Variants in STAU1 observed in about 807,000 individuals in gnomAD.
STAU1 encodes staufen double-stranded RNA binding protein 1, also known as double-stranded RNA-binding protein Staufen homolog 1.
Under a neutral mutation model 62.9 loss-of-function variants are expected in STAU1, and 13 were observed. The ratio of observed to expected loss-of-function variants is 0.21; its 90% CI spans 0.13 to 0.33. The LOEUF is 0.33. STAU1 is among the 10% of genes least tolerant of loss of function. The pLI, the probability that STAU1 is intolerant of heterozygous loss-of-function variation, is 1.00. For synonymous variants in STAU1, 269 were observed against 265.1 expected, an observed-to-expected ratio of 1.01 and a Z score of -0.14; for missense variants, 571 against 712.1, an observed-to-expected ratio of 0.80 and a Z score of 2.25.
intron 5 of STAU1, among the ~76,000 whole-genome samples, chr20:49,149,798 A>C (rs1179961502): frequency 6.6e-6 from 1 of 152,202 alleles, no homozygotes; most frequent in African/African-American, 2.4e-5. Flanking sequence ...AAAGAAAAAC[A>C]AATCGCTCCT....
At chr20:49,132,253 G>A (rs971911937) in intron 6 of STAU1, among the ~76,000 whole-genome samples, 1 of 152,118 alleles carries the variant, frequency 6.6e-6, no homozygotes, top group Non-Finnish European at 1.5e-5. Context: ...ACTTTGGAGG[G>A]ACAGGTCAGC....
intron 4 of STAU1, among the ~76,000 whole-genome samples, chr20:49,153,251 G>GA (rs71184266): frequency 0.42 from 41,214 of 98,752 alleles, 7,939 homozygotes; most frequent in Middle Eastern, 0.53. Flanking sequence ...CTCCGTCTCA[G>GA]AAAAAAAAAA....
At chr20:49,192,113 G>A (rs555418832), upstream of STAU1, among the ~76,000 whole-genome samples, 45 of 151,628 alleles carry the variant, frequency 3.0e-4, no homozygotes, top group African/African-American at 1.0e-3. Context: ...TTGGGAGGCC[G>A]AGGAGGGCAG....
the STAU1 span, among the ~76,000 whole-genome samples, chr20:49,209,808 T>G: frequency 6.6e-6 from 1 of 151,878 alleles, no homozygotes; most frequent in African/African-American, 2.4e-5. Flanking sequence ...CAGCACTTTG[T>G]GAGGCCGAGG....
chr20:49,183,899 T>C (rs980488613), intron 1 of STAU1, among the ~76,000 whole-genome samples: 5 of 151,956 alleles, frequency 3.3e-5, no homozygotes, highest in African/African-American at 1.2e-4. Context: ...ACTTCGAATA[T>C]TAAACACTGA....
chr20:49,189,530 G>C (rs1163424217), upstream of STAU1, among the ~76,000 whole-genome samples: 1 of 144,632 alleles, frequency 6.9e-6, no homozygotes, highest in Non-Finnish European at 1.5e-5. Context: ...TGAGGCAGGA[G>C]AATCTCTTGA....
chr20:49,209,482 C>A, the STAU1 span, among the ~76,000 whole-genome samples: 3 of 151,684 alleles, frequency 2.0e-5, no homozygotes, highest in Non-Finnish European at 2.9e-5. Context: ...TGGTGCCTCC[C>A]ACCTGTAATC....
Position 49,127,251 on chromosome 20 carries a change from G to A in STAU1, c.610-2664C>T, listed in dbSNP as rs543887312. ...CACCTGTAATCCCAGCTACTTAGGA[G>A]GCTGAGACAGGAGAATTGCTTGAAC... On this transcript the variant is annotated intron_variant, in intron 6 of 13. Transcript: ENST00000371856. 2.1e-4 allele frequency among the ~76,000 whole-genome samples: 32 copies of A among 152,246 alleles called. No homozygotes were observed. In the East Asian group the frequency reaches 6.0e-3, roughly 28 times the overall value.
chr20:49,130,362 CTGTTT>C (rs534303686), intron 6 of STAU1, among the ~76,000 whole-genome samples: 3 of 152,300 alleles, frequency 2.0e-5, no homozygotes, highest in Non-Finnish European at 4.4e-5. Flanking sequence ...GGGAGATGTT[CTGTTT>C]TGACTATGGT....
intron 5 of STAU1, among the ~76,000 whole-genome samples, chr20:49,144,304 T>C (rs1168048187): frequency 1.3e-5 from 2 of 151,602 alleles, no homozygotes; most frequent in Admixed American, 6.6e-5. Flanking sequence ...TTTTTTTAAA[T>C]GCAAACAGGA....
At chr20:49,144,592 G>C (rs956241554) in intron 5 of STAU1, among the ~76,000 whole-genome samples, 2 of 152,082 alleles carry the variant, frequency 1.3e-5, no homozygotes, top group Non-Finnish European at 2.9e-5. Context: ...GTCTTCCTCT[G>C]TCAATTCTCT....
chr20:49,219,278 A>G, the STAU1 span: 9 of 1,431,354 alleles, frequency 6.3e-6, no homozygotes, highest in Admixed American at 5.1e-5. Context: ...GAAACCAACC[A>G]CGCCCCATAT....
chr20:49,215,107 A>C, the STAU1 span, among the ~76,000 whole-genome samples: 1 of 152,152 alleles, frequency 6.6e-6, no homozygotes, highest in African/African-American at 2.4e-5. Context: ...CACCATCCTC[A>C]TCCTCCTGGC....
chr20:49,133,150 C>A (rs1223089731), intron 6 of STAU1, among the ~76,000 whole-genome samples: 4 of 152,212 alleles, frequency 2.6e-5, no homozygotes, highest in Non-Finnish European at 4.4e-5. Flanking sequence ...TTCCTGAACA[C>A]AGAGTTGAGA....
intron 2 of STAU1, among the ~76,000 whole-genome samples, chr20:49,168,663 T>C (rs971626789): frequency 6.6e-6 from 1 of 152,180 alleles, no homozygotes; most frequent in African/African-American, 2.4e-5. Flanking sequence ...TTTATGTGTC[T>C]TATTTAAGCC....
the STAU1 span, among the ~76,000 whole-genome samples, chr20:49,201,071 A>AAAAAAAGAAGAAGAAG: frequency 1.9e-5 from 2 of 104,642 alleles, no homozygotes; most frequent in South Asian, 4.4e-4. Flanking sequence ...AAAAAAAAAA[A>AAAAAAAGAAGAAGAAG]AAGAAGAAGA....
chr20:49,178,566 T>G (rs1326897275), intron 1 of STAU1, among the ~76,000 whole-genome samples: 3 of 151,258 alleles, frequency 2.0e-5, no homozygotes, highest in African/African-American at 7.3e-5. Flanking sequence ...CTGGCTAACA[T>G]GGTGAAACAC....
rs140910069 is a variant in STAU1, at chr20:49,149,173, C to T, written c.510+2409G>A. Among the ~76,000 whole-genome samples, 1,073 of 151,948 alleles carry T rather than the reference C, an allele frequency of 7.1e-3. 7 individuals carry two copies. The highest frequency in any genetic ancestry group is 0.01 in the Non-Finnish European group (705 of 67,970). ...AGCTGAAGCACAAGAATTGCTTGAA[C>T]CCAGGAGGTGGAGGTTGCAGTGAAC... On this transcript the variant is annotated intron_variant, in intron 5 of 13. Coordinates refer to ENST00000371856, the MANE Select transcript of STAU1 (RefSeq NM_017453.4).
chr20:49,196,838 A>T, the STAU1 span, among the ~76,000 whole-genome samples: 2 of 151,420 alleles, frequency 1.3e-5, no homozygotes, highest in Non-Finnish European at 2.9e-5. Flanking sequence ...ACAGAAGCAC[A>T]GTTTGTAATA....
Sources: allele counts gnomAD v4.1 joint callset (sites outside exome capture counted in the v4.1 genomes callset), GRCh38; gene constraint gnomAD v4.1.1; transcripts MANE v1.5; gene names NCBI Gene and HGNC (gene_info 2026-07-23, HGNC 2026-07-21).